The following PRKG1 variants were observed in gnomAD, a reference collection of about 807,000 sequenced individuals.
PRKG1 encodes cGMP-dependent protein kinase 1.
PRKG1 carries 35 observed loss-of-function variants against 88.1 expected under a neutral mutation model. The ratio of observed to expected loss-of-function variants is 0.40; its 90% CI spans 0.30 to 0.53. PRKG1 has a LOEUF of 0.53. PRKG1 is among the 20% of genes least tolerant of loss of function. The probability of loss-of-function intolerance (pLI) is 0.59; values close to 1 mark genes in which losing one functional copy is unlikely to be tolerated. For missense variants in PRKG1, 540 were observed against 839.8 expected, an observed-to-expected ratio of 0.64 and a Z score of 4.41; for synonymous variants, 303 against 292.5, an observed-to-expected ratio of 1.04 and a Z score of -0.37.
At chr10:51,598,314 C>G (rs1838508904) in intron 3 of PRKG1, among the ~76,000 whole-genome samples, 1 of 152,140 alleles carries the variant, frequency 6.6e-6, no homozygotes, top group Non-Finnish European at 1.5e-5. Flanking sequence ...TGCTCTATCA[C>G]CCAGGCTGCA....
At chr10:51,152,508 C>T (rs1358486951) in intron 1 of PRKG1, among the ~76,000 whole-genome samples, 2 of 152,012 alleles carry the variant, frequency 1.3e-5, no homozygotes, top group Admixed American at 6.6e-5. Flanking sequence ...CCACCATTTA[C>T]TGAAGGTAAC....
At chr10:51,704,811 G>A (rs1031741900) in intron 3 of PRKG1, among the ~76,000 whole-genome samples, 15 of 152,206 alleles carry the variant, frequency 9.9e-5, no homozygotes, top group African/African-American at 3.4e-4. Flanking sequence ...ATTCATGAAT[G>A]TGAACTTGAT....
intron 11 of PRKG1, 70 bp from the exon 12 acceptor site, chr10:52,272,322 C>A (rs1384555622): frequency 3.4e-6 from 4 of 1,175,378 alleles, no homozygotes; most frequent in African/African-American, 3.2e-5. Flanking sequence ...TAATCTGGGC[C>A]CCCCAAAATT....
At chr10:51,296,804 T>C (rs1840732699) in intron 2 of PRKG1, among the ~76,000 whole-genome samples, 1 of 152,158 alleles carries the variant, frequency 6.6e-6, no homozygotes, top group Non-Finnish European at 1.5e-5. Flanking sequence ...TAGGCATTTA[T>C]GTTGTATTTT....
At chr10:51,551,557 G>A (rs1281206539) in intron 3 of PRKG1, among the ~76,000 whole-genome samples, 1 of 151,690 alleles carries the variant, frequency 6.6e-6, no homozygotes, top group Non-Finnish European at 1.5e-5. Context: ...TTATTGGACA[G>A]GAAGGAATTT....
At chr10:51,263,641 G>A (rs961068847) in intron 2 of PRKG1, among the ~76,000 whole-genome samples, 1 of 152,158 alleles carries the variant, frequency 6.6e-6, no homozygotes, top group South Asian at 2.1e-4. Flanking sequence ...GTTCTTATCC[G>A]AAAGTTACTG....
chr10:51,127,067 T>TGAAAACGCC (rs1845445437), intron 1 of PRKG1, among the ~76,000 whole-genome samples: 1 of 152,092 alleles, frequency 6.6e-6, no homozygotes, highest in South Asian at 2.1e-4. Context: ...GATTTCATGA[T>TGAAAACGCC]GAAAACGCCA....
chr10:52,037,237 G>C (rs1476014386), intron 5 of PRKG1, among the ~76,000 whole-genome samples: 1 of 152,216 alleles, frequency 6.6e-6, no homozygotes, highest in Non-Finnish European at 1.5e-5. Context: ...GCAAGCTCCT[G>C]TGGGAGGAGG....
At chr10:52,179,774 C>T (rs1333096813) in intron 9 of PRKG1, among the ~76,000 whole-genome samples, 1 of 152,142 alleles carries the variant, frequency 6.6e-6, no homozygotes, top group African/African-American at 2.4e-5. Flanking sequence ...CTACAACCTG[C>T]ACCTCCTGGG....
intron 2 of PRKG1, among the ~76,000 whole-genome samples, chr10:51,406,985 C>G (rs1837938237): frequency 6.6e-6 from 1 of 152,182 alleles, no homozygotes; most frequent in South Asian, 2.1e-4. Flanking sequence ...CAGGAAGCAT[C>G]CAGCGTGGGA....
At chr10:51,759,167 G>A (rs1837952580) in intron 3 of PRKG1, among the ~76,000 whole-genome samples, 1 of 152,148 alleles carries the variant, frequency 6.6e-6, no homozygotes, top group East Asian at 1.9e-4. Flanking sequence ...ACATGTGCAT[G>A]TATCTTTATA....
chr10:52,264,518 C>A (rs1348613651), intron 10 of PRKG1, among the ~76,000 whole-genome samples: 3 of 151,860 alleles, frequency 2.0e-5, no homozygotes. Context: ...AAATCATATA[C>A]CTTGCCAAAT....
intron 2 of PRKG1, among the ~76,000 whole-genome samples, chr10:51,438,144 A>G (rs1020052282): frequency 1.3e-5 from 2 of 151,746 alleles, no homozygotes; most frequent in African/African-American, 4.8e-5. Context: ...AAAGCACTGG[A>G]TGCAAATAAT....
At chr10:51,944,663 C>T (rs1477374226) in intron 5 of PRKG1, among the ~76,000 whole-genome samples, 3 of 151,968 alleles carry the variant, frequency 2.0e-5, no homozygotes, top group African/African-American at 7.3e-5. Flanking sequence ...TGTCTTTGTT[C>T]TCATTGGTTT....
At chr10:51,560,765 A>G (rs1837438038) in intron 3 of PRKG1, among the ~76,000 whole-genome samples, 1 of 152,120 alleles carries the variant, frequency 6.6e-6, no homozygotes, top group Non-Finnish European at 1.5e-5. Flanking sequence ...TGTAGCAAAA[A>G]TAGCATGCCA....
intron 1 of PRKG1, among the ~76,000 whole-genome samples, chr10:51,126,904 G>A (rs10995790): frequency 0.16 from 23,963 of 152,124 alleles, 2,353 homozygotes; most frequent in Admixed American, 0.22. Context: ...AAATTGACTA[G>A]CCATGTGCAG....
chr10:51,350,561 A>C (rs1344686977), intron 2 of PRKG1, among the ~76,000 whole-genome samples: 2 of 152,220 alleles, frequency 1.3e-5, no homozygotes, highest in Non-Finnish European at 2.9e-5. Context: ...TCAACATAGT[A>C]CTGGAAGTCT....
At chr10:51,365,798 A>T (rs1842576044) in intron 2 of PRKG1, among the ~76,000 whole-genome samples, 2 of 151,898 alleles carry the variant, frequency 1.3e-5, no homozygotes, top group African/African-American at 4.8e-5. Context: ...AGTCTCATCC[A>T]CTATATGCAT....
intron 9 of PRKG1, among the ~76,000 whole-genome samples, chr10:52,216,811 G>A (rs1290056262): frequency 6.6e-6 from 1 of 152,078 alleles, no homozygotes; most frequent in Non-Finnish European, 1.5e-5. Context: ...AATAAGTTTT[G>A]TTTAAACCCA....
Sources: gnomAD v4.1 joint callset for allele counts (sites outside exome capture counted in the v4.1 genomes callset) on GRCh38, gnomAD v4.1.1 for gene constraint, MANE v1.5 for transcripts, NCBI Gene and HGNC (gene_info 2026-07-23, HGNC 2026-07-21) for gene names.